ERBB4: variants seen among roughly 807,000 people sequenced by gnomAD.
The protein encoded by ERBB4 is receptor tyrosine-protein kinase erbB-4.
In ERBB4, 42 loss-of-function variants were observed where a neutral mutation model predicts 158.0. The ratio of observed to expected loss-of-function variants is 0.27; its 90% CI spans 0.21 to 0.34. The LOEUF is 0.34. ERBB4 is among the 10% of genes least tolerant of loss of function. The pLI is 1.00. For missense variants in ERBB4, 1,333 were observed against 1,624.1 expected (o/e 0.82, Z 3.08); for synonymous variants, 583 against 558.7 (o/e 1.04, Z -0.61).
chr2:212,346,389 G>T (rs896264220), intron 1 of ERBB4, among the ~76,000 whole-genome samples: 2 of 150,764 alleles, frequency 1.3e-5, no homozygotes, highest in African/African-American at 5.0e-5. Flanking sequence ...ATAATGTCCG[G>T]ATTTTGTGTT....
chr2:211,415,536 C>G (rs1202356844), intron 25 of ERBB4, among the ~76,000 whole-genome samples: 1 of 152,038 alleles, frequency 6.6e-6, no homozygotes, highest in Non-Finnish European at 1.5e-5. Flanking sequence ...ACAGGAGAGA[C>G]CAAAGATTTG....
At chr2:211,652,891 A>G (rs1019096963) in intron 16 of ERBB4, among the ~76,000 whole-genome samples, 1 of 152,208 alleles carries the variant, frequency 6.6e-6, no homozygotes, top group Non-Finnish European at 1.5e-5. Flanking sequence ...TGTTTTGCCA[A>G]TGGAAACTTG....
chr2:212,066,994 G>C (rs2077966284), intron 2 of ERBB4, among the ~76,000 whole-genome samples: 1 of 151,820 alleles, frequency 6.6e-6, no homozygotes, highest in Non-Finnish European at 1.5e-5. Context: ...AAGAATTATG[G>C]TTTTTATAAT....
intron 1 of ERBB4, among the ~76,000 whole-genome samples, chr2:212,370,086 A>C (rs150962576): frequency 2.8e-4 from 43 of 152,268 alleles, no homozygotes; most frequent in African/African-American, 9.1e-4. Flanking sequence ...CTTGAATTGC[A>C]ATAATCCCCC....
At chr2:211,702,587 G>T (rs2073292783) in intron 11 of ERBB4, among the ~76,000 whole-genome samples, 1 of 152,034 alleles carries the variant, frequency 6.6e-6, no homozygotes, top group Admixed American at 6.5e-5. Context: ...TACTTTCAGA[G>T]TATGTCTAAA....
chr2:211,997,260 G>A (rs1210555592), intron 2 of ERBB4, among the ~76,000 whole-genome samples: 1 of 151,992 alleles, frequency 6.6e-6, no homozygotes, highest in Non-Finnish European at 1.5e-5. Flanking sequence ...CATCAGGAAC[G>A]TGGATTCATT....
intron 20 of ERBB4, among the ~76,000 whole-genome samples, chr2:211,438,371 C>T (rs182531002): frequency 3.3e-5 from 5 of 152,230 alleles, no homozygotes; most frequent in African/African-American, 1.2e-4. Flanking sequence ...TAGTAAAAAT[C>T]ATCTTAGTGC....
At chr2:211,560,356 C>T (rs542082549) in intron 20 of ERBB4, among the ~76,000 whole-genome samples, 1 of 137,450 alleles carries the variant, frequency 7.3e-6, no homozygotes, top group South Asian at 2.5e-4. Context: ...CTCACCACAA[C>T]CTCAGCCTCC....
intron 2 of ERBB4, among the ~76,000 whole-genome samples, chr2:211,959,168 T>G (rs182395883): frequency 1.3e-5 from 2 of 152,214 alleles, no homozygotes; most frequent in East Asian, 3.9e-4. Context: ...CAATTATCTA[T>G]TCTACAAATG....
At chr2:211,708,643 T>TCTCA (rs1461028782) in intron 9 of ERBB4, among the ~76,000 whole-genome samples, 111 of 150,326 alleles carry the variant, frequency 7.4e-4, no homozygotes, top group East Asian at 3.1e-3. Flanking sequence ...TCTCTCTCTC[T>TCTCA]CACTATCTTT....
intron 12 of ERBB4, among the ~76,000 whole-genome samples, chr2:211,680,483 T>C (rs1336304779): frequency 6.6e-6 from 1 of 152,196 alleles, no homozygotes; most frequent in African/African-American, 2.4e-5. Context: ...ACTTTACTTA[T>C]TATGAGATGT....
At chr2:211,689,367 T>G (rs2072705286) in intron 12 of ERBB4, among the ~76,000 whole-genome samples, 1 of 152,098 alleles carries the variant, frequency 6.6e-6, no homozygotes, top group Admixed American at 6.6e-5. Context: ...GCTACTTTTT[T>G]GTTGTTGTTT....
intron 1 of ERBB4, among the ~76,000 whole-genome samples, chr2:212,163,805 T>C (rs958009735): frequency 1.3e-5 from 2 of 152,030 alleles, no homozygotes; most frequent in African/African-American, 4.8e-5. Flanking sequence ...TTTTTTGTTT[T>C]TGTTTGAGGG....
At chr2:211,579,275 G>A (rs200110644) in intron 19 of ERBB4, among the ~76,000 whole-genome samples, 12 of 152,140 alleles carry the variant, frequency 7.9e-5, no homozygotes, top group East Asian at 1.9e-4. Flanking sequence ...TCAGAATAGC[G>A]ATTCTTAAAA....
chr2:211,427,795 C>T (rs1362664238), intron 22 of ERBB4, among the ~76,000 whole-genome samples: 1 of 149,452 alleles, frequency 6.7e-6, no homozygotes. Flanking sequence ...AAATTAACAC[C>T]ATGAAATTCT....
At chr2:212,446,066 G>A (rs1439779588) in intron 1 of ERBB4, among the ~76,000 whole-genome samples, 1 of 152,152 alleles carries the variant, frequency 6.6e-6, no homozygotes, top group Non-Finnish European at 1.5e-5. Context: ...TTGAGTTGGG[G>A]ATTGGTGCTT....
chr2:211,405,373 T>C (rs1462522971), intron 25 of ERBB4, among the ~76,000 whole-genome samples: 1 of 152,120 alleles, frequency 6.6e-6, no homozygotes, highest in African/African-American at 2.4e-5. Flanking sequence ...GGGTTAAAAA[T>C]CTCATTCTTA....
chr2:212,391,526 T>C (rs1315998789), intron 1 of ERBB4, among the ~76,000 whole-genome samples: 1 of 148,112 alleles, frequency 6.8e-6, no homozygotes, highest in African/African-American at 2.6e-5. Context: ...ACCTTCTGCA[T>C]TGTATGGCCT....
intron 2 of ERBB4, among the ~76,000 whole-genome samples, chr2:212,117,833 T>C (rs1482582040): frequency 6.6e-6 from 1 of 152,188 alleles, no homozygotes; most frequent in Non-Finnish European, 1.5e-5. Context: ...CTCTCCAACA[T>C]AATTTCTGCC....
Sources: allele counts gnomAD v4.1 joint callset (sites outside exome capture counted in the v4.1 genomes callset), GRCh38; gene constraint gnomAD v4.1.1; transcripts MANE v1.5; gene names NCBI Gene and HGNC (gene_info 2026-07-23, HGNC 2026-07-21).